The following TECRL variants were observed in gnomAD, a reference collection of about 807,000 sequenced individuals.
The protein encoded by TECRL is trans-2,3-enoyl-CoA reductase like.
A neutral mutation model predicts 52.8 loss-of-function variants in TECRL; 63 were observed. That is an observed-to-expected ratio of 1.19 (90% CI 0.97 to 1.47). The LOEUF is 1.47. Among genes scored for constraint, TECRL ranks in the 40% most tolerant of loss-of-function variants. TECRL has a pLI of 0.00. For missense variants in TECRL, 482 were observed against 429.6 expected (o/e 1.12, Z -1.08); for synonymous variants, 164 against 141.9 (o/e 1.16, Z -1.10).
intron 2 of TECRL, among the ~76,000 whole-genome samples, chr4:64,355,061 G>T (rs1470551007): frequency 6.6e-6 from 1 of 152,086 alleles, no homozygotes; most frequent in Non-Finnish European, 1.5e-5. Flanking sequence ...CATCATTTTA[G>T]AATTATAATT....
intron 2 of TECRL, among the ~76,000 whole-genome samples, chr4:64,342,451 A>G (rs12108631): frequency 1.4e-3 from 105 of 73,270 alleles, no homozygotes; most frequent in African/African-American, 4.4e-3. Flanking sequence ...GTGTGTGTGT[A>G]TGTGTGTGTG....
At chr4:64,313,722 C>T (rs1717245611) in intron 5 of TECRL, among the ~76,000 whole-genome samples, 1 of 150,312 alleles carries the variant, frequency 6.7e-6, no homozygotes, top group Non-Finnish European at 1.5e-5. Context: ...ACCTTGTGAT[C>T]CACCCGCCTA....
rs1718908901 is a variant in TECRL at position 64,334,566 on chromosome 4, C to A, written c.287-6010G>T. On this transcript the variant is annotated intron_variant, in intron 2 of 11. Coordinates refer to ENST00000381210, the MANE Select transcript of TECRL (RefSeq NM_001010874.5). ...GCACCAATCAATGTCTATAATTTTGCTGACCTTGAAAAACAATGCAACTGC... is the reference window on the plus strand; with the variant it reads ...GCACCAATCAATGTCTATAATTTTGATGACCTTGAAAAACAATGCAACTGC... 3.9e-5 allele frequency among the ~76,000 whole-genome samples: 6 copies of A among 152,276 alleles called. No individual in the cohort carries two copies. The South Asian group carries it at 1.2e-3, about 32-fold the overall frequency.
intron 2 of TECRL, among the ~76,000 whole-genome samples, chr4:64,329,587 A>G (rs1466242654): frequency 6.6e-6 from 1 of 151,952 alleles, no homozygotes; most frequent in Non-Finnish European, 1.5e-5. Flanking sequence ...AAATGCATAC[A>G]CTGACGTAAA....
intron 8 of TECRL, among the ~76,000 whole-genome samples, chr4:64,293,847 A>G (rs1723528839): frequency 1.3e-5 from 2 of 151,634 alleles, no homozygotes; most frequent in African/African-American, 4.8e-5. Context: ...TAATCCTTAT[A>G]CTGTGATCTC....
chr4:64,307,954 T>G (rs1490950782), intron 6 of TECRL, among the ~76,000 whole-genome samples: 1 of 152,064 alleles, frequency 6.6e-6, no homozygotes, highest in Non-Finnish European at 1.5e-5. Flanking sequence ...AGAAAACACT[T>G]TCAAATGTGC....
At chr4:64,345,907 C>CAAAAAAAA (rs777171822) in intron 2 of TECRL, among the ~76,000 whole-genome samples, 600 of 23,328 alleles carry the variant, frequency 0.026, 240 homozygotes, top group African/African-American at 0.089. Flanking sequence ...GCCTCAACAG[C>CAAAAAAAA]AAAAAAAAAA....
At chr4:64,394,434 A>C (rs1207031612) in intron 1 of TECRL, among the ~76,000 whole-genome samples, 1 of 152,188 alleles carries the variant, frequency 6.6e-6, no homozygotes, top group African/African-American at 2.4e-5. Context: ...TCCAGAATGT[A>C]TTCATTCCAC....
Position 64,409,202 on chromosome 4 carries a change from T to A in TECRL, c.150A>T (p.Pro50=). The change falls in exon 1 of 12, where the codon CCA becomes CCT. Residue 50 remains proline, a synonymous_variant. Transcript: ENST00000381210. ...VLSAGPLRPT[P]AVKHSKTTHF... is the part of the protein sequence containing the mutation. ...GAGTCGTTTTTGAATGTTTGACTGC[T>A]GGAGTTGGTCTTAGAGGGCCCGCTG... The A allele has an allele frequency of 6.2e-7, 1 of 1,612,902 alleles. No individual in the cohort carries two copies. Among genetic ancestry groups the A allele is most frequent in the Non-Finnish European group, 8.5e-7 (1 of 1,179,284 alleles).
chr4:64,294,300 T>C (rs1239659604), intron 8 of TECRL, among the ~76,000 whole-genome samples: 1 of 152,036 alleles, frequency 6.6e-6, no homozygotes, highest in Non-Finnish European at 1.5e-5. Context: ...AGGTGCAATA[T>C]CTTATAATTT....
chr4:64,331,610 G>T (rs1718646602), intron 2 of TECRL, among the ~76,000 whole-genome samples: 2 of 152,060 alleles, frequency 1.3e-5, no homozygotes, highest in South Asian at 4.1e-4. Context: ...ATGATTGGAA[G>T]ATTTAAAATA....
rs901387459 is a variant in TECRL at position 64,408,538 on chromosome 4, C to G, written c.234+580G>C. On this transcript the variant is annotated intron_variant, in intron 1 of 11. Coordinates refer to ENST00000381210, the MANE Select transcript of TECRL (RefSeq NM_001010874.5). ...ATATGGATTTGGACGAGTAACATTT[C>G]AAAACATTATTTTCATGAACTTAAA... 5.9e-5 allele frequency among the ~76,000 whole-genome samples: 9 copies of G among 151,904 alleles called. 1 individual carries two copies. The highest frequency in any genetic ancestry group is 2.2e-4 in the African/African-American group (9 of 41,400).
intron 2 of TECRL, among the ~76,000 whole-genome samples, chr4:64,361,816 C>T (rs994689166): frequency 3.3e-5 from 5 of 152,090 alleles, no homozygotes; most frequent in African/African-American, 1.2e-4. Flanking sequence ...TAACTTCATA[C>T]CTCCAAAAAC....
chr4:64,294,171 G>C (rs565155006), intron 8 of TECRL, among the ~76,000 whole-genome samples: 7 of 151,834 alleles, frequency 4.6e-5, no homozygotes, highest in African/African-American at 1.7e-4. Flanking sequence ...ATTTTTAGTA[G>C]AGACGGGGTT....
At chr4:64,296,346 A>C (rs1021014072) in intron 8 of TECRL, among the ~76,000 whole-genome samples, 3 of 151,886 alleles carry the variant, frequency 2.0e-5, no homozygotes, top group African/African-American at 7.2e-5. Context: ...TATTACAAAA[A>C]GAGGTATACC....
Position 64,409,413 on chromosome 4 carries a change from T to C in TECRL, c.-62A>G. 3 of 1,579,336 alleles carry C rather than the reference T, an allele frequency of 1.9e-6. No homozygotes were observed. The highest frequency in any genetic ancestry group is 1.7e-6 in the Non-Finnish European group (2 of 1,162,922). ...TAGAAAATTGCAAGTGTGTTCCTTT[T>C]GCATCAGTTAAATACTGCTGGAGAA... On this transcript the variant is annotated 5_prime_UTR_variant, in exon 1 of 12. Transcript: ENST00000381210.
At chr4:64,341,333 G>A (rs1719554132) in intron 2 of TECRL, among the ~76,000 whole-genome samples, 1 of 152,144 alleles carries the variant, frequency 6.6e-6, no homozygotes, top group African/African-American at 2.4e-5. Flanking sequence ...AGGCAAGGTG[G>A]CTGACACCTG....
chr4:64,305,223 A>G lies in TECRL; in HGVS notation c.673T>C (p.Trp225Arg), dbSNP rs1465399874. 6.2e-7 allele frequency: 1 copy of G among 1,613,078 alleles called. No homozygotes were observed. The change falls in exon 7 of 12, where the codon TGG (tryptophan) becomes CGG (arginine). Residue 225 changes from tryptophan (W) to arginine (R), a missense_variant. Coordinates refer to ENST00000381210, the MANE Select transcript of TECRL (RefSeq NM_001010874.5). ...KNLIMSCAFY[W>R]GFTSWIAYYI... ...TAGGCAATCCAAGAAGTAAATCCCC[A>G]GTAAAAGGCACAACTCTGCAAACAA... is the stretch of plus-strand genomic sequence containing the variant.
intron 1 of TECRL, among the ~76,000 whole-genome samples, chr4:64,393,128 TGTTTCC>T (rs1723662382): frequency 6.6e-6 from 1 of 151,974 alleles, no homozygotes; most frequent in African/African-American, 2.4e-5. Context: ...TAGTTCAGTC[TGTTTCC>T]GTTACCAAAA....
Sources: gnomAD v4.1 joint callset for allele counts (sites outside exome capture counted in the v4.1 genomes callset) on GRCh38, gnomAD v4.1.1 for gene constraint, MANE v1.5 for transcripts, NCBI Gene and HGNC (gene_info 2026-07-23, HGNC 2026-07-21) for gene names.